GPRASP3: variants seen among roughly 807,000 people sequenced by gnomAD.
GPRASP3 encodes G protein-coupled receptor associated sorting protein family member 3.
the GPRASP3 span, among the ~76,000 whole-genome samples, chrX:102,737,305 T>G: frequency 2.7e-5 from 3 of 112,248 alleles, no homozygotes; most frequent in African/African-American, 9.7e-5. Flanking sequence ...GTTTTTGAAC[T>G]TTACCAAAAG....
At chrX:102,746,478 C>G in the GPRASP3 span, among the ~76,000 whole-genome samples, 1 of 112,577 alleles carries the variant, frequency 8.9e-6, no homozygotes, top group East Asian at 2.9e-4. Flanking sequence ...TGTCTGTGCC[C>G]GGAAAGGGCT....
chrX:102,726,994 C>T, the GPRASP3 span, among the ~76,000 whole-genome samples: 41 of 112,509 alleles, frequency 3.6e-4, no homozygotes, highest in Non-Finnish European at 7.5e-5. Context: ...ATGAGTTCTG[C>T]TACTGCAGAT....
chrX:102,725,755 C>T, the GPRASP3 span, among the ~76,000 whole-genome samples: 1 of 112,266 alleles, frequency 8.9e-6, no homozygotes, highest in African/African-American at 3.2e-5. Context: ...CCATGTTGGC[C>T]AGGCTGCTCT....
chrX:102,743,674 G>T, the GPRASP3 span, among the ~76,000 whole-genome samples: 1 of 108,603 alleles, frequency 9.2e-6, no homozygotes, highest in Middle Eastern at 4.8e-3. Flanking sequence ...AGAATTTGGG[G>T]GCTAGGGTTT....
the GPRASP3 span, among the ~76,000 whole-genome samples, chrX:102,745,487 G>C: frequency 9.0e-6 from 1 of 110,922 alleles, no homozygotes; most frequent in Admixed American, 9.5e-5. Context: ...GGAAAGAAAC[G>C]CACAAGAGGA....
the GPRASP3 span, among the ~76,000 whole-genome samples, chrX:102,739,183 T>A: frequency 8.9e-6 from 1 of 111,871 alleles, no homozygotes; most frequent in Non-Finnish European, 1.9e-5. Flanking sequence ...ACAAGATATT[T>A]TCCTTTCACA....
At chrX:102,749,226 G>A in the GPRASP3 span, 30 of 1,210,163 alleles carry the variant, frequency 2.5e-5, no homozygotes, top group Admixed American at 4.1e-4. Context: ...CTCTGTCAGA[G>A]CCTAAGACTC....
the GPRASP3 span, among the ~76,000 whole-genome samples, chrX:102,739,052 C>T: frequency 9.0e-6 from 1 of 111,421 alleles, no homozygotes; most frequent in Non-Finnish European, 1.9e-5. Flanking sequence ...TTCTCATAAG[C>T]TTTTCCAAAG....
chrX:102,731,587 G>A, the GPRASP3 span, among the ~76,000 whole-genome samples: 10 of 108,804 alleles, frequency 9.2e-5, no homozygotes, highest in Non-Finnish European at 1.7e-4. Context: ...CTGAGATCAC[G>A]CCACTCCAGC....
the GPRASP3 span, chrX:102,750,686 G>A: frequency 9.6e-7 from 1 of 1,036,702 alleles, no homozygotes. Flanking sequence ...AACTCTAGCA[G>A]GCTGTACATT....
the GPRASP3 span, among the ~76,000 whole-genome samples, chrX:102,739,051 G>T: frequency 9.0e-6 from 1 of 111,619 alleles, no homozygotes; most frequent in African/African-American, 3.3e-5. Flanking sequence ...TTTCTCATAA[G>T]CTTTTCCAAA....
the GPRASP3 span, among the ~76,000 whole-genome samples, chrX:102,746,747 TTGAG>T: frequency 1.9e-4 from 21 of 112,957 alleles, no homozygotes; most frequent in African/African-American, 5.8e-4. Context: ...AAGTGGAACT[TTGAG>T]TGGGTGAATT....
chrX:102,733,959 G>C, the GPRASP3 span, among the ~76,000 whole-genome samples: 2 of 109,475 alleles, frequency 1.8e-5, no homozygotes, highest in African/African-American at 6.7e-5. Flanking sequence ...CAGTCAAAGG[G>C]GGTTGTTCTC....
At chrX:102,731,383 G>C in the GPRASP3 span, among the ~76,000 whole-genome samples, 1 of 112,276 alleles carries the variant, frequency 8.9e-6, no homozygotes, top group Non-Finnish European at 1.9e-5. Flanking sequence ...CAGCACTTTG[G>C]GAGGCCGAGG....
At chrX:102,726,274 G>A in the GPRASP3 span, among the ~76,000 whole-genome samples, 1 of 112,293 alleles carries the variant, frequency 8.9e-6, no homozygotes, top group Non-Finnish European at 1.9e-5. Flanking sequence ...GTTTGAATCT[G>A]GAGCTGATGT....
the GPRASP3 span, among the ~76,000 whole-genome samples, chrX:102,721,996 G>A: frequency 8.9e-6 from 1 of 112,012 alleles, no homozygotes; most frequent in Non-Finnish European, 1.9e-5. Context: ...CACAGAATGT[G>A]TGGATTTTTC....
At chrX:102,734,187 G>A in the GPRASP3 span, among the ~76,000 whole-genome samples, 1 of 111,989 alleles carries the variant, frequency 8.9e-6, no homozygotes, top group Non-Finnish European at 1.9e-5. Flanking sequence ...GGATGTATAC[G>A]TGCAGGTCAC....
chrX:102,748,787 C>T, the GPRASP3 span: 2 of 369,109 alleles, frequency 5.4e-6, no homozygotes, highest in Non-Finnish European at 9.4e-6. Flanking sequence ...ATCATTCTCC[C>T]CCAGCCCGAG....
At chrX:102,749,684 T>C in the GPRASP3 span, 1 of 1,210,725 alleles carries the variant, frequency 8.3e-7, no homozygotes, top group Non-Finnish European at 1.1e-6. Context: ...ACTCCAGCTG[T>C]GTTAGGATTT....
Sources: gnomAD v4.1 joint callset for allele counts (sites outside exome capture counted in the v4.1 genomes callset) on GRCh38, gnomAD v4.1.1 for gene constraint, MANE v1.5 for transcripts, NCBI Gene and HGNC (gene_info 2026-07-23, HGNC 2026-07-21) for gene names.